The following EPB41L2 variants were observed in gnomAD, a reference collection of about 807,000 sequenced individuals.
EPB41L2 encodes erythrocyte membrane protein band 4.1 like 2.
EPB41L2 carries 43 observed loss-of-function variants against 113.0 expected under a neutral mutation model. The ratio of observed to expected loss-of-function variants is 0.38; its 90% confidence interval spans 0.30 to 0.49. The LOEUF is 0.49. EPB41L2 is among the 20% of genes least tolerant of loss of function. The pLI is 0.95. For synonymous variants in EPB41L2, 442 were observed against 436.7 expected (o/e 1.01, Z -0.15); for missense variants, 1,147 against 1,223.4 (o/e 0.94, Z 0.93).
At chr6:131,029,129 A>G (rs1210728465) in intron 1 of EPB41L2, among the ~76,000 whole-genome samples, 2 of 152,174 alleles carry the variant, frequency 1.3e-5, no homozygotes, top group Non-Finnish European at 1.5e-5. Flanking sequence ...TGGACAGAGA[A>G]TGCTAAAGGG....
intron 14 of EPB41L2, chr6:130,870,350 G>A: frequency 6.4e-7 from 1 of 1,550,662 alleles, no homozygotes. Flanking sequence ...CCTGGCTCCA[G>A]TGCAAGGCCC....
At chr6:130,904,419 G>C in intron 6 of EPB41L2, 46 bp downstream of exon 6, 7 of 1,340,470 alleles carry the variant, frequency 5.2e-6, no homozygotes, top group Non-Finnish European at 7.3e-6. Context: ...AAAAATAAAC[G>C]AGAGCTGTAA....
At chr6:131,006,255 C>T (rs570379175) in intron 1 of EPB41L2, among the ~76,000 whole-genome samples, 209 of 151,800 alleles carry the variant, frequency 1.4e-3, no homozygotes, top group Non-Finnish European at 1.7e-3. Flanking sequence ...CAAGGTTTCA[C>T]CAGGTTGGCC....
intron 1 of EPB41L2, among the ~76,000 whole-genome samples, chr6:131,002,678 C>A (rs1473309148): frequency 6.6e-6 from 1 of 152,162 alleles, no homozygotes; most frequent in Non-Finnish European, 1.5e-5. Context: ...AAGAGAAATA[C>A]TTCAGATATG....
chr6:130,856,534 T>C (rs1194964114), intron 19 of EPB41L2, among the ~76,000 whole-genome samples: 3 of 152,222 alleles, frequency 2.0e-5, no homozygotes, highest in Non-Finnish European at 2.9e-5. Context: ...TTACACATAT[T>C]TACCAAACTA....
At chr6:130,923,447 C>A (rs994828497) in intron 4 of EPB41L2, among the ~76,000 whole-genome samples, 1 of 152,158 alleles carries the variant, frequency 6.6e-6, no homozygotes, top group Admixed American at 6.5e-5. Context: ...CCCAGTCTTT[C>A]CCCTAGCCTA....
chr6:130,860,924 G>GA (rs979515520), intron 18 of EPB41L2, among the ~76,000 whole-genome samples: 51 of 152,294 alleles, frequency 3.3e-4, no homozygotes, highest in African/African-American at 1.2e-3. Flanking sequence ...GTATGGAGCT[G>GA]AAAGTATCAT....
intron 3 of EPB41L2, among the ~76,000 whole-genome samples, chr6:130,947,024 C>CG (rs1250611851): frequency 6.3e-5 from 9 of 143,764 alleles, no homozygotes; most frequent in Admixed American, 2.0e-4. Flanking sequence ...AAGACCCCCC[C>CG]CCCAGCCCCT....
At position 131,011,612 on chromosome 6, in the gene EPB41L2, A is replaced by G. The variant is rs551181715; in HGVS notation, c.-15+51543T>C. On this transcript the variant is annotated intron_variant, in intron 1 of 19. Coordinates refer to ENST00000337057, the MANE Select transcript of EPB41L2 (RefSeq NM_001431.4). ...GGTACTCAGTATAATTCTGAGAGGC[A>G]GACTAGGACCTTCATTCAAGCCAAA... 1.4e-4 allele frequency among the ~76,000 whole-genome samples: 21 copies of G among 152,354 alleles called. 1 individual carries two copies. The highest frequency in any genetic ancestry group is 5.0e-4 in the African/African-American group (21 of 41,598).
At chr6:130,900,897 A>T (rs1387007000) in intron 7 of EPB41L2, 65 bp downstream of exon 7, 9 of 1,543,282 alleles carry the variant, frequency 5.8e-6, no homozygotes, top group Middle Eastern at 1.7e-4. Context: ...ATGTCTAGTA[A>T]GTGCTACAAG....
chr6:130,869,791 T>C lies in EPB41L2; in HGVS notation c.2379A>G (p.Ala793=). 2 of 1,614,102 alleles carry C rather than the reference T, an allele frequency of 1.2e-6. No individual in the cohort carries two copies. Among genetic ancestry groups the C allele is most frequent in the Non-Finnish European group, 1.7e-6 (2 of 1,180,020 alleles). ...GTGTGACTGGGCTGGCTTCGGGCACTGCTTCCTCCCTCTCTACTACCTTGG... is the reference window on the plus strand; with the variant it reads ...GTGTGACTGGGCTGGCTTCGGGCACCGCTTCCTCCCTCTCTACTACCTTGG... ...PAAKVVEREE[A]VPEASPVTQA... The change falls in exon 15 of 20, where the codon GCA becomes GCG. Residue 793 remains alanine (A), a synonymous_variant. Transcript: ENST00000337057.
chr6:131,048,879 T>G (rs1796003648), intron 1 of EPB41L2, among the ~76,000 whole-genome samples: 1 of 151,672 alleles, frequency 6.6e-6, no homozygotes, highest in Admixed American at 6.6e-5. Context: ...TAACCAAACA[T>G]GGCTTTAAAA....
At chr6:130,998,802 C>T (rs1783714011) in intron 1 of EPB41L2, among the ~76,000 whole-genome samples, 1 of 152,152 alleles carries the variant, frequency 6.6e-6, no homozygotes. Context: ...TCCCAGGACA[C>T]TGCTACCCAA....
intron 8 of EPB41L2, 33 bp from the exon 9 acceptor site, chr6:130,895,152 GA>G (rs1439785732): frequency 6.4e-7 from 1 of 1,562,600 alleles, no homozygotes; most frequent in Non-Finnish European, 8.7e-7. Context: ...CCATGGTTAA[GA>G]GCTGTGAAAG....
At chr6:130,957,513 T>TA (rs1408611694) in intron 1 of EPB41L2, among the ~76,000 whole-genome samples, 3 of 152,098 alleles carry the variant, frequency 2.0e-5, no homozygotes, top group African/African-American at 7.2e-5. Context: ...GGTAAAAACT[T>TA]AAGAGACGGA....
chr6:130,952,983 A>G (rs954698329), intron 3 of EPB41L2, among the ~76,000 whole-genome samples: 1 of 150,396 alleles, frequency 6.6e-6, no homozygotes, highest in Non-Finnish European at 1.5e-5. Context: ...TACGTTGGTC[A>G]GTCTTGTGGT....
intron 5 of EPB41L2, among the ~76,000 whole-genome samples, chr6:130,905,278 T>C (rs913888285): frequency 3.9e-5 from 6 of 152,138 alleles, no homozygotes; most frequent in Non-Finnish European, 8.8e-5. Context: ...AGGATAACTT[T>C]AAAAAAGTAA....
chr6:130,935,673 T>C (rs1156381995), intron 3 of EPB41L2, among the ~76,000 whole-genome samples: 3 of 152,186 alleles, frequency 2.0e-5, no homozygotes, highest in Non-Finnish European at 4.4e-5. Context: ...TTTTAAACAA[T>C]ATCAACCTTT....
chr6:130,951,611 A>G (rs1815129268), intron 3 of EPB41L2, among the ~76,000 whole-genome samples: 1 of 151,858 alleles, frequency 6.6e-6, no homozygotes, highest in African/African-American at 2.4e-5. Context: ...GGCATGACCC[A>G]CTGTGCCCGG....
Sources: gnomAD v4.1 joint callset for allele counts (sites outside exome capture counted in the v4.1 genomes callset) on GRCh38, gnomAD v4.1.1 for gene constraint, MANE v1.5 for transcripts, NCBI Gene and HGNC (gene_info 2026-07-23, HGNC 2026-07-21) for gene names.